CYTH3: variants seen among roughly 807,000 people sequenced by gnomAD.
The protein encoded by CYTH3 is cytohesin-3.
In CYTH3, 23 loss-of-function variants were observed where a neutral mutation model predicts 55.1. That is an observed-to-expected ratio of 0.42 (90% CI 0.30 to 0.59). The LOEUF (loss-of-function observed/expected upper bound fraction) is 0.59. CYTH3 is among the 20% of genes least tolerant of loss of function. The pLI is 0.20. For synonymous variants in CYTH3, 249 were observed against 194.9 expected, an observed-to-expected ratio of 1.28 and a Z score of -2.31; for missense variants, 413 against 524.8, an observed-to-expected ratio of 0.79 and a Z score of 2.08.
At chr7:6,198,889 C>T (rs1420428827) in intron 1 of CYTH3, among the ~76,000 whole-genome samples, 7 of 152,166 alleles carry the variant, frequency 4.6e-5, no homozygotes, top group Admixed American at 3.3e-4. Flanking sequence ...ATTCCAGACA[C>T]GCTAGGAAAG....
At chr7:6,237,118 G>A (rs1327190800) in intron 1 of CYTH3, among the ~76,000 whole-genome samples, 1 of 152,208 alleles carries the variant, frequency 6.6e-6, no homozygotes, top group African/African-American at 2.4e-5. Flanking sequence ...CTTAGAACCA[G>A]AGCAGCTCCC....
chr7:6,162,820 G>A lies in CYTH3; in HGVS notation c.*2124C>T, dbSNP rs1316039848. 3.9e-5 allele frequency: 6 copies of A among 152,618 alleles called. No individual in the cohort carries two copies. Among genetic ancestry groups the A allele is most frequent in the Non-Finnish European group, 8.8e-5 (6 of 68,094 alleles). 9.5% of individuals were successfully genotyped at this position (152,618 alleles called of 1,614,324 possible). A position where few individuals can be genotyped will look rare whatever the true frequency, so the allele number is the denominator to read the frequency against. Reference sequence around the variant, plus strand: ...AAAACAGAAAGCTCTGCATCCCCAGGTCACACCTGGGTTGGTCAGAAGAAG... The same window carrying A: ...AAAACAGAAAGCTCTGCATCCCCAGATCACACCTGGGTTGGTCAGAAGAAG... On this transcript the variant is annotated 3_prime_UTR_variant, in exon 13 of 13. Coordinates refer to ENST00000350796, the MANE Select transcript of CYTH3 (RefSeq NM_004227.4).
intron 1 of CYTH3, among the ~76,000 whole-genome samples, chr7:6,202,036 G>C (rs1326578717): frequency 6.6e-6 from 1 of 152,162 alleles, no homozygotes; most frequent in African/African-American, 2.4e-5. Context: ...ATGGTATTTT[G>C]AGGTTCCTCC....
intron 1 of CYTH3, among the ~76,000 whole-genome samples, chr7:6,271,474 G>C (rs1174332897): frequency 6.6e-6 from 1 of 150,798 alleles, no homozygotes; most frequent in Non-Finnish European, 1.5e-5. Flanking sequence ...CAGCTCAAAG[G>C]AGATCTTCAG....
intron 2 of CYTH3, 41 bp from the exon 3 acceptor site, chr7:6,187,762 A>C: frequency 6.5e-7 from 1 of 1,544,744 alleles, no homozygotes; most frequent in Non-Finnish European, 9.0e-7. Context: ...AGTGGGTCTT[A>C]ACCTTCCTCC....
At position 6,174,536 on chromosome 7, in the gene CYTH3, T is replaced by TG. The variant is rs769510040; in HGVS notation, c.369-804dup. On this transcript the variant is annotated intron_variant, in intron 5 of 12. Transcript: ENST00000350796. ...ATGGGTGTGAAATGGTATCTCCTTGTGGGTTTTTTTTTTTTTTTTTTTTTT... is the reference window on the plus strand; with the variant it reads ...ATGGGTGTGAAATGGTATCTCCTTGTGGGGTTTTTTTTTTTTTTTTTTTTTT... Among the ~76,000 whole-genome samples, 501 of 140,906 alleles carry TG rather than the reference T, an allele frequency of 3.6e-3. 6 individuals are homozygous for TG. The highest frequency in any genetic ancestry group is 5.8e-3 in the South Asian group (26 of 4,488). The allele number at this position is 140,906 out of a possible 152,430, so 92.4% of individuals were successfully genotyped here.
intron 2 of CYTH3, among the ~76,000 whole-genome samples, chr7:6,189,645 T>A (rs1783748637): frequency 1.3e-5 from 2 of 152,078 alleles, no homozygotes; most frequent in South Asian, 4.1e-4. Flanking sequence ...TGGTAGGCAC[T>A]TGGTACACAG....
intron 1 of CYTH3, among the ~76,000 whole-genome samples, chr7:6,240,823 GAA>G (rs1393114696): frequency 1.3e-5 from 2 of 151,586 alleles, no homozygotes; most frequent in African/African-American, 4.8e-5. Flanking sequence ...TGTGAAAAAA[GAA>G]AAAAAGGAGG....
At chr7:6,222,746 CAA>C (rs537257938) in intron 1 of CYTH3, among the ~76,000 whole-genome samples, 2 of 65,440 alleles carry the variant, frequency 3.1e-5, no homozygotes, top group Admixed American at 1.8e-4. Flanking sequence ...GACTCCGTTT[CAA>C]AAAAAAAAAA....
chr7:6,242,732 G>T (rs1225190112), intron 1 of CYTH3, among the ~76,000 whole-genome samples: 1 of 152,048 alleles, frequency 6.6e-6, no homozygotes, highest in Admixed American at 6.6e-5. Flanking sequence ...GCCTAAAGGG[G>T]GATGAGCTCA....
At chr7:6,213,158 C>T (rs1002072253) in intron 1 of CYTH3, among the ~76,000 whole-genome samples, 42 of 152,358 alleles carry the variant, frequency 2.8e-4, no homozygotes, top group Non-Finnish European at 5.0e-4. Context: ...AGAACCGTGA[C>T]TAGCACATAG....
intron 1 of CYTH3, among the ~76,000 whole-genome samples, chr7:6,200,550 T>C (rs771498568): frequency 4.3e-4 from 66 of 152,216 alleles, no homozygotes; most frequent in African/African-American, 1.5e-3. Context: ...TTATTACTAA[T>C]CAATACTAAT....
At chr7:6,263,729 T>C (rs1217716090) in intron 1 of CYTH3, among the ~76,000 whole-genome samples, 1 of 148,256 alleles carries the variant, frequency 6.7e-6, no homozygotes, top group Non-Finnish European at 1.5e-5. Flanking sequence ...ACCTGGGAGG[T>C]AGAGGTTTCA....
At position 6,167,735 on chromosome 7, in the gene CYTH3, G is replaced by A. The variant is rs2128536231; in HGVS notation, c.824-1925C>T. 6.6e-6 allele frequency among the ~76,000 whole-genome samples: 1 copy of A among 152,336 alleles called. No individual in the cohort carries two copies. Among genetic ancestry groups the A allele is most frequent in the Non-Finnish European group, 1.5e-5 (1 of 68,024 alleles). ...TCCAGTTCTTGGGGAGCTCATCCAG[G>A]AGCCCCCAGGTTGTGTGTTTCTGTC... On this transcript the variant is annotated intron_variant, in intron 9 of 12. Coordinates refer to ENST00000350796, the MANE Select transcript of CYTH3 (RefSeq NM_004227.4). This position sits in a 1 kb window ranked among gnomAD's most constrained non-coding sequence, Gnocchi z 5.5.
At chr7:6,228,409 T>C (rs922845689) in intron 1 of CYTH3, among the ~76,000 whole-genome samples, 2 of 151,968 alleles carry the variant, frequency 1.3e-5, no homozygotes, top group Middle Eastern at 3.2e-3. Flanking sequence ...GCTCCAAATA[T>C]GGAGTCTTCT....
rs749383101 is a variant in CYTH3, at chr7:6,170,503, C to G, written c.823+32G>C. ...GGGCTGCTGCCATGGGCAGAGGGGT[C>G]ACGCCCGGGTCCCGCTGGGCCGGCG... On this transcript the variant is annotated intron_variant, in intron 9 of 12. Transcript: ENST00000350796. This position sits in a 1 kb window ranked among gnomAD's most constrained non-coding sequence, Gnocchi z 7.8. 1.9e-6 allele frequency: 3 copies of G among 1,600,044 alleles called. No individual in the cohort carries two copies. The highest frequency in any genetic ancestry group is 2.7e-5 in the African/African-American group (2 of 74,692).
intron 1 of CYTH3, among the ~76,000 whole-genome samples, chr7:6,198,065 A>T (rs1049990720): frequency 7.0e-6 from 1 of 143,028 alleles, no homozygotes; most frequent in African/African-American, 2.5e-5. Flanking sequence ...CTGCACTCCA[A>T]CCTGAGTAAC....
chr7:6,202,214 G>C (rs972123104), intron 1 of CYTH3, among the ~76,000 whole-genome samples: 1 of 152,150 alleles, frequency 6.6e-6, no homozygotes, highest in Non-Finnish European at 1.5e-5. Flanking sequence ...CCCTGGGCCA[G>C]CAACCTTGAA....
intron 1 of CYTH3, among the ~76,000 whole-genome samples, chr7:6,270,233 C>T (rs1168835648): frequency 1.3e-5 from 2 of 152,154 alleles, no homozygotes; most frequent in African/African-American, 4.8e-5. Flanking sequence ...CAAAACTTTG[C>T]TTTTCACCTG....
Sources: gnomAD v4.1 joint callset for allele counts (sites outside exome capture counted in the v4.1 genomes callset) on GRCh38, gnomAD v4.1.1 for gene constraint, Gnocchi (gnomAD v3.1) non-coding constraint, MANE v1.5 for transcripts, NCBI Gene and HGNC (gene_info 2026-07-23, HGNC 2026-07-21) for gene names.